Variants in PPARGC1A observed in about 807,000 individuals in gnomAD.
PPARGC1A encodes the protein peroxisome proliferator-activated receptor gamma coactivator 1-alpha.
In PPARGC1A, 25 loss-of-function variants were observed where a neutral mutation model predicts 88.7. That is an observed-to-expected ratio of 0.28 (90% confidence interval 0.21 to 0.39). PPARGC1A has a LOEUF of 0.39. Among genes scored for constraint, PPARGC1A ranks in the 10% least tolerant of loss-of-function variants. The probability of loss-of-function intolerance (pLI) is 1.00; values close to 1 mark genes in which losing one functional copy is unlikely to be tolerated. For missense variants in PPARGC1A, 880 were observed against 968.7 expected, an observed-to-expected ratio of 0.91 and a Z score of 1.22; for synonymous variants, 363 against 355.6, an observed-to-expected ratio of 1.02 and a Z score of -0.24.
At chr4:24,216,419 A>G in the PPARGC1A span, among the ~76,000 whole-genome samples, 1 of 152,092 alleles carries the variant, frequency 6.6e-6, no homozygotes, top group African/African-American at 2.4e-5. Context: ...AAGTGCTGGG[A>G]TTACAGGCAT....
chr4:24,173,347 A>AG, the PPARGC1A span, among the ~76,000 whole-genome samples: 19 of 151,726 alleles, frequency 1.3e-4, no homozygotes, highest in African/African-American at 4.6e-4. Context: ...CCAAAAAAAA[A>AG]AAAAAAAAAA....
upstream of PPARGC1A, chr4:23,904,142 G>T: frequency 1.4e-6 from 1 of 712,566 alleles, no homozygotes; most frequent in Non-Finnish European, 1.7e-6. Flanking sequence ...GGTGACGTGG[G>T]AGGGCATCTC....
At chr4:24,472,624 G>A in the PPARGC1A span, among the ~76,000 whole-genome samples, 232 of 152,264 alleles carry the variant, frequency 1.5e-3, 4 homozygotes, top group East Asian at 0.037. The surrounding 1 kb of genome is among the most constrained non-coding windows in gnomAD (Gnocchi z 4.5). Flanking sequence ...GGAAACTCTC[G>A]GCGGTGCTCC....
In PPARGC1A at chr4:23,828,453, T is replaced by G. The variant is rs777169839; in HGVS notation, c.704A>C (p.Lys235Thr). 10 of 1,614,102 alleles carry G rather than the reference T, an allele frequency of 6.2e-6. No individual in the cohort carries two copies. In the East Asian group the frequency reaches 1.3e-4, roughly 22 times the overall value. Residue 235 changes from lysine to threonine, a missense_variant, in exon 5 of 13, where the codon AAA (lysine) becomes ACA (threonine). By Grantham distance (78) the Lys-to-Thr change is moderately conservative (BLOSUM62 -1). Transcript: ENST00000264867. ...PTENRNSSRD[K>T]CTSKKKSHTQ... ...GTGGGACTTCTTTTTGGAGGTGCAT[T>G]TGTCTCTGCTGCTGTTTCTGTTCTC...
At chr4:24,199,769 T>C in the PPARGC1A span, among the ~76,000 whole-genome samples, 2 of 152,194 alleles carry the variant, frequency 1.3e-5, no homozygotes, top group Non-Finnish European at 2.9e-5. Context: ...CTGGTTGAGA[T>C]TGTCAATTAG....
the PPARGC1A span, among the ~76,000 whole-genome samples, chr4:24,340,653 A>G: frequency 6.6e-6 from 1 of 152,176 alleles, no homozygotes; most frequent in African/African-American, 2.4e-5. Flanking sequence ...TTCCGTCCAC[A>G]TCTAACAGTA....
intron 2 of PPARGC1A, among the ~76,000 whole-genome samples, chr4:23,851,198 A>G (rs568237614): frequency 8.5e-5 from 13 of 152,306 alleles, no homozygotes; most frequent in African/African-American, 2.6e-4. Context: ...TGCAATACAC[A>G]TAGTGATTCG....
chr4:24,252,784 T>C, the PPARGC1A span, among the ~76,000 whole-genome samples: 1 of 152,254 alleles, frequency 6.6e-6, no homozygotes, highest in South Asian at 2.1e-4. Context: ...TTCTGTCAAA[T>C]GTTATCATCG....
the PPARGC1A span, among the ~76,000 whole-genome samples, chr4:24,171,202 T>A: frequency 2.0e-5 from 3 of 152,218 alleles, no homozygotes; most frequent in East Asian, 5.8e-4. Context: ...GGTCAAGGGA[T>A]CGAGACCATC....
At chr4:23,813,146 A>C (rs1216497724) in intron 8 of PPARGC1A, 21 bp from the exon 9 acceptor site, 23 of 1,609,696 alleles carry the variant, frequency 1.4e-5, no homozygotes, top group Non-Finnish European at 3.4e-6. Context: ...GGAGAAAAGC[A>C]AAAAGGGCAT....
chr4:23,909,082 T>C (rs550242499), upstream of PPARGC1A, among the ~76,000 whole-genome samples: 63 of 152,232 alleles, frequency 4.1e-4, no homozygotes, highest in African/African-American at 1.5e-3. Context: ...GAAGGAGAAG[T>C]GGTGGGGATC....
intron 1 of PPARGC1A, among the ~76,000 whole-genome samples, chr4:23,887,210 C>A (rs183729437): frequency 8.1e-4 from 123 of 152,136 alleles, no homozygotes; most frequent in Non-Finnish European, 1.2e-3. Flanking sequence ...TGCGCTCTCT[C>A]TCTCTCTCTC....
the PPARGC1A span, among the ~76,000 whole-genome samples, chr4:24,094,086 T>C: frequency 6.6e-6 from 1 of 152,138 alleles, no homozygotes; most frequent in Non-Finnish European, 1.5e-5. Context: ...CTCAGCCCGC[T>C]CTTTCTCTAT....
chr4:23,831,771 CAG>C lies in PPARGC1A; in HGVS notation c.235-22_235-21del. On this transcript the variant is annotated intron_variant, in intron 2 of 12. Coordinates refer to ENST00000264867, the MANE Select transcript of PPARGC1A (RefSeq NM_013261.5). ...TATCTTCTGCAGAAAGAGAAAAAAA[CAG>C]AAGATGTGAGTTGACCCTGGGAGGC... The C allele has an allele frequency of 6.3e-7, 1 of 1,589,724 alleles. No individual in the cohort carries two copies.
At chr4:23,830,921 A>G (rs549001109) in intron 3 of PPARGC1A, among the ~76,000 whole-genome samples, 4 of 152,328 alleles carry the variant, frequency 2.6e-5, no homozygotes, top group Non-Finnish European at 4.4e-5. Context: ...TTCAATCTTC[A>G]TAAGAAATAT....
the PPARGC1A span, among the ~76,000 whole-genome samples, chr4:24,409,505 C>A: frequency 1.3e-5 from 2 of 152,168 alleles, no homozygotes; most frequent in Non-Finnish European, 2.9e-5. Flanking sequence ...GAAAGTGCTA[C>A]AAAATCACAG....
At chr4:24,291,965 G>A in the PPARGC1A span, among the ~76,000 whole-genome samples, 5 of 152,270 alleles carry the variant, frequency 3.3e-5, no homozygotes, top group African/African-American at 4.8e-5. Flanking sequence ...GAAAACAAAG[G>A]TTATCATTTT....
the PPARGC1A span, among the ~76,000 whole-genome samples, chr4:24,317,554 CT>C: frequency 7.7e-4 from 11 of 14,254 alleles, no homozygotes; most frequent in Non-Finnish European, 2.1e-3. Flanking sequence ...GTTCAGAGGA[CT>C]AAAAAAAAAA....
At chr4:24,365,748 T>C in the PPARGC1A span, among the ~76,000 whole-genome samples, 1 of 152,210 alleles carries the variant, frequency 6.6e-6, no homozygotes, top group East Asian at 1.9e-4. Flanking sequence ...CTGAGGTCTT[T>C]ATTAGCAATA....
Sources: allele counts gnomAD v4.1 joint callset (sites outside exome capture counted in the v4.1 genomes callset), GRCh38; gene constraint gnomAD v4.1.1; non-coding constraint Gnocchi (gnomAD v3.1); transcripts MANE v1.5; gene names NCBI Gene and HGNC (gene_info 2026-07-23, HGNC 2026-07-21).